The following PIGG variants were observed in gnomAD, a reference collection of about 807,000 sequenced individuals.
PIGG encodes the protein GPI ethanolamine phosphate transferase 2, catalytic subunit.
PIGG carries 70 observed loss-of-function variants against 83.2 expected under a neutral mutation model. That is an observed-to-expected ratio of 0.84 (90% CI 0.69 to 1.03). The LOEUF is 1.03. PIGG is among the 50% of genes least tolerant of loss of function. The pLI, the probability that PIGG is intolerant of heterozygous loss-of-function variation, is 0.00. For synonymous variants in PIGG, 532 were observed against 519.5 expected, an observed-to-expected ratio of 1.02 and a Z score of -0.33; for missense variants, 1,257 against 1,233.6, an observed-to-expected ratio of 1.02 and a Z score of -0.28.
At chr4:499,817 C>A in intron 1 of PIGG, 1 of 946,288 alleles carries the variant, frequency 1.1e-6, no homozygotes, top group Non-Finnish European at 1.4e-6. Flanking sequence ...GGTCACTCCC[C>A]GTTATAGGCG....
intron 8 of PIGG, 26 bp from the exon 9 acceptor site, chr4:523,433 T>A (rs1230272925): frequency 6.5e-7 from 1 of 1,537,178 alleles, no homozygotes; most frequent in African/African-American, 1.4e-5. Flanking sequence ...GACCGTCTCT[T>A]ACAAAGTGCA....
At chr4:523,260 C>T (rs1305238890) in intron 8 of PIGG, among the ~76,000 whole-genome samples, 199 bp from the exon 9 acceptor site, 2 of 152,214 alleles carry the variant, frequency 1.3e-5, no homozygotes, top group Non-Finnish European at 2.9e-5. Flanking sequence ...GTCTCCACTC[C>T]TGCAGGCTGC....
At chr4:533,429 C>T in intron 11 of PIGG, 1 of 189,458 alleles carries the variant, frequency 5.3e-6, no homozygotes, top group Admixed American at 5.3e-5. Flanking sequence ...GCCCTATGCG[C>T]CCCTCGGATG....
chr4:512,642 C>T (rs970172885), intron 5 of PIGG, among the ~76,000 whole-genome samples: 3 of 151,734 alleles, frequency 2.0e-5, no homozygotes, highest in South Asian at 2.1e-4. Context: ...CGGTGAAACC[C>T]CGTCTCTACT....
rs769002987 is a variant in PIGG, at chr4:521,062, G to C, written c.1121G>C (p.Gly374Ala). 8.1e-6 allele frequency: 13 copies of C among 1,612,220 alleles called. No homozygotes were observed. The highest frequency in any genetic ancestry group is 4.2e-6 in the Non-Finnish European group (5 of 1,178,358). ...ENVPSYEKDPGFEQFKMSERL... is the reference protein window; with the variant it reads ...ENVPSYEKDPAFEQFKMSERL... ...CTTTCTGTCTTCTTAATAGATCCTG[G>C]GTTTGAGCAGTTTAAAATGTCAGAA... The change falls in exon 7 of 13, where the codon GGG (glycine) becomes GCG (alanine). Residue 374 changes from glycine to alanine, a missense_variant. Gly to Ala is a moderately conservative substitution (Grantham distance 60). Transcript: ENST00000453061.
intron 12 of PIGG, among the ~76,000 whole-genome samples, chr4:538,341 T>G (rs553328448): frequency 6.6e-6 from 1 of 152,306 alleles, no homozygotes; most frequent in Admixed American, 6.5e-5. Context: ...ATTAACATAC[T>G]TCGAGGGGTG....
intron 3 of PIGG, chr4:506,862 G>T (rs782713694): frequency 4.4e-6 from 2 of 453,328 alleles, no homozygotes; most frequent in South Asian, 3.1e-5. Context: ...TTACTTTAAC[G>T]CTGGGTACTG....
intron 6 of PIGG, among the ~76,000 whole-genome samples, chr4:517,794 G>T (rs983950841): frequency 6.6e-6 from 1 of 152,066 alleles, no homozygotes; most frequent in African/African-American, 2.4e-5. Context: ...CTACAGGAAG[G>T]GTCCAGGAGA....
intron 12 of PIGG, 109 bp downstream of exon 12, chr4:534,090 T>G (rs1002083492): frequency 1.1e-6 from 1 of 897,020 alleles, no homozygotes; most frequent in African/African-American, 1.7e-5. Context: ...GGTCCAACAG[T>G]CTTTTCAACA....
chr4:511,080 GA>G (rs1721747687), intron 5 of PIGG, among the ~76,000 whole-genome samples: 1 of 152,128 alleles, frequency 6.6e-6, no homozygotes, highest in Non-Finnish European at 1.5e-5. Flanking sequence ...GATCACCTGA[GA>G]TCGGGAGTTC....
chr4:535,447 G>GCGTCTCCGTGT (rs1730298549), intron 12 of PIGG, among the ~76,000 whole-genome samples: 4 of 152,090 alleles, frequency 2.6e-5, no homozygotes, highest in African/African-American at 9.7e-5. Context: ...CCTCCTCCCG[G>GCGTCTCCGTGT]GCAGGCGAGC....
At chr4:514,873 G>A (rs1027535813) in intron 5 of PIGG, among the ~76,000 whole-genome samples, 15 of 152,158 alleles carry the variant, frequency 9.9e-5, no homozygotes, top group Non-Finnish European at 2.1e-4. Context: ...AGGGTCAAAA[G>A]CAATTTAAGG....
In PIGG at chr4:521,957, T is replaced by C. The variant is rs1293728293; in HGVS notation, c.1614+16T>C. 1 of 1,613,624 alleles carries C rather than the reference T, an allele frequency of 6.2e-7. No individual in the cohort carries two copies. The highest frequency in any genetic ancestry group is 2.2e-5 in the East Asian group (1 of 44,868). On this transcript the variant is annotated intron_variant, in intron 8 of 12. Transcript: ENST00000453061. The stretch of plus-strand genomic sequence containing the variant: ...CCCAAGGAAGGTACGTACGGCTGGT[T>C]CCTGGGAGTGTGACGTAGTCCTTCT...
Position 528,254 on chromosome 4 carries a change from G to A in PIGG, c.2261+1024G>A. 2.0e-6 allele frequency: 2 copies of A among 982,936 alleles called. No individual in the cohort carries two copies. The highest frequency in any genetic ancestry group is 2.4e-6 in the Non-Finnish European group (2 of 827,772). 60.9% of individuals were successfully genotyped at this position (982,936 alleles called of 1,614,324 possible). On this transcript the variant is annotated intron_variant, in intron 10 of 12. Coordinates refer to ENST00000453061, the MANE Select transcript of PIGG (RefSeq NM_001127178.3). The surrounding 1 kb of genome is among the most constrained non-coding windows in gnomAD (Gnocchi z 4.8). ...TTTTTTTTTTCATACTTATATGAAA[G>A]ACTACATACTTAAAATACTGGTGAT...
At chr4:524,163 C>A (rs906332957) in intron 9 of PIGG, among the ~76,000 whole-genome samples, 2 of 152,208 alleles carry the variant, frequency 1.3e-5, no homozygotes, top group Non-Finnish European at 2.9e-5. Context: ...TGTAACTGTT[C>A]ATGATTGAAA....
rs575061983 is a variant in PIGG at position 527,287 on chromosome 4, C to T, written c.2261+57C>T. On this transcript the variant is annotated intron_variant, in intron 10 of 12. Transcript: ENST00000453061. ...GCCACTTTACTGTTTGAAGAACTGG[C>T]GGACACGGGGCGCGTGGAACCACTT... 181 of 1,497,224 alleles carry T rather than the reference C, an allele frequency of 1.2e-4. No homozygotes were observed. The Admixed American group carries it at 2.4e-3, about 20-fold the overall frequency. The allele number at this position is 1,497,224 out of a possible 1,614,324, so 92.7% of individuals were successfully genotyped here.
chr4:530,712 T>A lies in PIGG; in HGVS notation c.2538T>A (p.His846Gln). ...ATGCAGCTGAGATTACTGTGATGCA[T>A]TATTGGTTTGGTCAAGCATTCTTCT... ...RHDAAEITVM[H>Q]YWFGQAFFYF... Residue 846 changes from histidine to glutamine, a missense_variant, in exon 11 of 13, where the codon CAT (histidine) becomes CAA (glutamine). Coordinates refer to ENST00000453061, the MANE Select transcript of PIGG (RefSeq NM_001127178.3). The A allele has an allele frequency of 6.2e-7, 1 of 1,612,828 alleles. No individual in the cohort carries two copies. Among genetic ancestry groups the A allele is most frequent in the Non-Finnish European group, 8.5e-7 (1 of 1,178,880 alleles).
rs950876915 is a variant in PIGG, at chr4:528,059, C to T, written c.2261+829C>T. 1.2e-5 allele frequency: 12 copies of T among 985,196 alleles called. No individual in the cohort carries two copies. Among genetic ancestry groups the T allele is most frequent in the African/African-American group, 1.7e-5 (1 of 57,190 alleles). 61.0% of individuals were successfully genotyped at this position (985,196 alleles called of 1,614,324 possible). ...AATACAGTGATCCTCCCAGTGAGGT[C>T]GGTGCTCTGACAGTGACCGTCCCAG... On this transcript the variant is annotated intron_variant, in intron 10 of 12. Transcript: ENST00000453061. The surrounding 1 kb of genome is among the most constrained non-coding windows in gnomAD (Gnocchi z 4.8).
At chr4:504,155 C>G (rs1296343855) in intron 2 of PIGG, among the ~76,000 whole-genome samples, 1 of 152,144 alleles carries the variant, frequency 6.6e-6, no homozygotes, top group Admixed American at 6.5e-5. Context: ...TCCCCGGGAG[C>G]GTGCGGCAAC....
Sources: gnomAD v4.1 joint callset for allele counts (sites outside exome capture counted in the v4.1 genomes callset) on GRCh38, gnomAD v4.1.1 for gene constraint, Gnocchi (gnomAD v3.1) non-coding constraint, MANE v1.5 for transcripts, NCBI Gene and HGNC (gene_info 2026-07-23, HGNC 2026-07-21) for gene names.